Variants in SGCD observed in about 807,000 individuals in gnomAD.
The protein encoded by SGCD is sarcoglycan delta.
In SGCD, 18 loss-of-function variants were observed where a neutral mutation model predicts 36.6. The ratio of observed to expected loss-of-function variants is 0.49; its 90% confidence interval spans 0.34 to 0.73. The LOEUF is 0.73. Ranked by LOEUF, SGCD falls within the 30% of genes least tolerant of loss-of-function variation. The pLI, the probability that SGCD is intolerant of heterozygous loss-of-function variation, is 0.01. For missense variants in SGCD, 387 were observed against 346.7 expected (o/e 1.12, Z -0.92); for synonymous variants, 133 against 130.6 (o/e 1.02, Z -0.12).
intron 3 of SGCD, among the ~76,000 whole-genome samples, chr5:156,411,448 A>C (rs1034286280): frequency 1.3e-5 from 2 of 152,240 alleles, no homozygotes; most frequent in Non-Finnish European, 2.9e-5. Flanking sequence ...ATTATCCCCC[A>C]AAGCACTGAG....
intron 3 of SGCD, among the ~76,000 whole-genome samples, chr5:156,297,796 AAAT>A (rs765817266): frequency 2.1e-3 from 172 of 83,128 alleles, no homozygotes; most frequent in African/African-American, 9.7e-3. Context: ...ATAAAAAAAT[AAAT>A]AAATAAATAA....
the SGCD span, among the ~76,000 whole-genome samples, chr5:155,779,937 G>A: frequency 6.6e-6 from 1 of 151,960 alleles, no homozygotes; most frequent in Non-Finnish European, 1.5e-5. Flanking sequence ...TGGACACTCA[G>A]GTTTCCTCTT....
chr5:156,039,910 C>T (rs1759594178), intron 1 of SGCD, among the ~76,000 whole-genome samples: 2 of 152,164 alleles, frequency 1.3e-5, no homozygotes, highest in Non-Finnish European at 2.9e-5. Context: ...GATGTGCAGT[C>T]TCTTCAAATT....
chr5:156,089,878 A>G (rs1761197248), intron 1 of SGCD, among the ~76,000 whole-genome samples: 1 of 152,182 alleles, frequency 6.6e-6, no homozygotes, highest in Non-Finnish European at 1.5e-5. Flanking sequence ...CGGATAAACC[A>G]GGGCCTCAGG....
At chr5:156,568,003 T>G (rs1759566279) in intron 4 of SGCD, among the ~76,000 whole-genome samples, 1 of 152,190 alleles carries the variant, frequency 6.6e-6, no homozygotes, top group Admixed American at 6.5e-5. Flanking sequence ...GGTTCTACTT[T>G]TATTTATTTT....
intron 7 of SGCD, among the ~76,000 whole-genome samples, chr5:156,701,154 G>A (rs1754516176): frequency 1.3e-5 from 2 of 152,152 alleles, no homozygotes; most frequent in African/African-American, 2.4e-5. Context: ...TGGAGTCCAT[G>A]GGAATTGGAT....
At chr5:156,182,202 A>G (rs779426069) in intron 3 of SGCD, among the ~76,000 whole-genome samples, 1 of 152,238 alleles carries the variant, frequency 6.6e-6, no homozygotes, top group Non-Finnish European at 1.5e-5. Context: ...TGAAGAAAAA[A>G]ACAAATCTGG....
chr5:156,060,279 G>A (rs1441713507), intron 1 of SGCD, among the ~76,000 whole-genome samples: 1 of 146,016 alleles, frequency 6.8e-6, no homozygotes. Context: ...TAAGAAGTGT[G>A]GCTTTGAATT....
chr5:155,894,434 G>A (rs188796423), intron 1 of SGCD, among the ~76,000 whole-genome samples: 2 of 152,108 alleles, frequency 1.3e-5, no homozygotes, highest in East Asian at 1.9e-4. Flanking sequence ...TGAGATCAAG[G>A]GACTTCTGTC....
At chr5:156,532,867 A>G (rs1757943485) in intron 4 of SGCD, among the ~76,000 whole-genome samples, 1 of 152,128 alleles carries the variant, frequency 6.6e-6, no homozygotes, top group Non-Finnish European at 1.5e-5. Flanking sequence ...AAGTCTGCCT[A>G]TCTTGTTTAT....
intron 3 of SGCD, among the ~76,000 whole-genome samples, chr5:156,177,751 C>G (rs1262319725): frequency 2.6e-5 from 4 of 152,172 alleles, no homozygotes; most frequent in African/African-American, 9.7e-5. Flanking sequence ...AACAGTCTCC[C>G]AGTCCTACAA....
chr5:156,331,954 C>A (rs1768085775), intron 2 of SGCD, among the ~76,000 whole-genome samples: 2 of 152,134 alleles, frequency 1.3e-5, no homozygotes, highest in Non-Finnish European at 2.9e-5. Flanking sequence ...TCTTTCTAGC[C>A]CTTTCGCTCT....
At chr5:156,503,594 C>T (rs781699593) in intron 3 of SGCD, among the ~76,000 whole-genome samples, 5 of 152,134 alleles carry the variant, frequency 3.3e-5, no homozygotes, top group Non-Finnish European at 4.4e-5. Flanking sequence ...ATCCTAATGA[C>T]TACGAATGTA....
chr5:156,567,537 A>G (rs1759545867), intron 4 of SGCD, among the ~76,000 whole-genome samples: 2 of 152,170 alleles, frequency 1.3e-5, no homozygotes, highest in African/African-American at 4.8e-5. Flanking sequence ...TCTAAAGGCC[A>G]TCTGCTGAGG....
chr5:155,729,119 C>A, the SGCD span, among the ~76,000 whole-genome samples: 1 of 152,244 alleles, frequency 6.6e-6, no homozygotes, highest in Non-Finnish European at 1.5e-5. Flanking sequence ...AACACTGTTT[C>A]CTCCAACTCG....
At chr5:156,362,253 G>GCTTA (rs1373511132) in intron 3 of SGCD, among the ~76,000 whole-genome samples, 10 of 152,322 alleles carry the variant, frequency 6.6e-5, no homozygotes, top group Admixed American at 3.3e-4. Flanking sequence ...ATGGTGTGAT[G>GCTTA]CTTACATCAG....
chr5:156,671,272 C>CTTTTT (rs35299523), intron 7 of SGCD, among the ~76,000 whole-genome samples: 1 of 104,424 alleles, frequency 9.6e-6, no homozygotes, highest in African/African-American at 3.3e-5. Context: ...TCTATTGATT[C>CTTTTT]TTTTTTTTTT....
intron 7 of SGCD, among the ~76,000 whole-genome samples, chr5:156,699,500 C>T (rs1469566131): frequency 6.6e-6 from 1 of 151,658 alleles, no homozygotes; most frequent in Admixed American, 6.6e-5. Flanking sequence ...ATTTCTAAAG[C>T]TTGAAATTAC....
At chr5:156,740,281 A>G (rs1374683357) in intron 7 of SGCD, among the ~76,000 whole-genome samples, 2 of 152,216 alleles carry the variant, frequency 1.3e-5, no homozygotes, top group Non-Finnish European at 2.9e-5. Flanking sequence ...ATTAGTGTTG[A>G]TCAAACAGCA....
Sources: gnomAD v4.1 joint callset for allele counts (sites outside exome capture counted in the v4.1 genomes callset) on GRCh38, gnomAD v4.1.1 for gene constraint, MANE v1.5 for transcripts, NCBI Gene and HGNC (gene_info 2026-07-23, HGNC 2026-07-21) for gene names.